C19orf18: variants seen among roughly 807,000 people sequenced by gnomAD.
The protein encoded by C19orf18 is uncharacterized protein C19orf18.
A neutral mutation model predicts 23.3 loss-of-function variants in C19orf18; 21 were observed. The ratio of observed to expected loss-of-function variants is 0.90; its 90% CI spans 0.64 to 1.30. C19orf18 has a LOEUF of 1.30. Among genes scored for constraint, C19orf18 ranks in the 50% most tolerant of loss-of-function variants. The pLI, the probability that C19orf18 is intolerant of heterozygous loss-of-function variation, is 0.00. For missense variants in C19orf18, 249 were observed against 259.6 expected (o/e 0.96, Z 0.28); for synonymous variants, 96 against 95.2 (o/e 1.01, Z -0.05).
chr19:57,967,393 C>T (rs774924928), intron 3 of C19orf18, among the ~76,000 whole-genome samples: 2 of 152,128 alleles, frequency 1.3e-5, no homozygotes, highest in Admixed American at 1.3e-4. Context: ...AAGAGTGAAT[C>T]GTGATACTAC....
chr19:57,968,496 A>G (rs1281309475), intron 3 of C19orf18, among the ~76,000 whole-genome samples: 1 of 152,154 alleles, frequency 6.6e-6, no homozygotes, highest in Non-Finnish European at 1.5e-5. Flanking sequence ...TTGCTGGTAG[A>G]CAGGAGGGTG....
intron 4 of C19orf18, among the ~76,000 whole-genome samples, chr19:57,965,771 A>AAAAAT (rs1180584607): frequency 6.6e-6 from 1 of 152,066 alleles, no homozygotes; most frequent in Non-Finnish European, 1.5e-5. Context: ...AAAAAGTAGA[A>AAAAAT]AAAATAAAAT....
chr19:57,972,639 T>C (rs779105483), intron 2 of C19orf18, 135 bp from the exon 3 acceptor site: 9 of 923,712 alleles, frequency 9.7e-6, no homozygotes, highest in Non-Finnish European at 1.5e-5. Flanking sequence ...AGATGGGATG[T>C]GTTAATACAT....
At chr19:57,968,316 T>A (rs11673474) in intron 3 of C19orf18, among the ~76,000 whole-genome samples, 40,624 of 152,000 alleles carry the variant, frequency 0.27, 5,915 homozygotes, top group African/African-American at 0.39. Flanking sequence ...ATTTCAATAC[T>A]TGAATATGGG....
At chr19:57,973,432 T>C (rs2072960573) in intron 2 of C19orf18, among the ~76,000 whole-genome samples, 1 of 151,500 alleles carries the variant, frequency 6.6e-6, no homozygotes, top group Non-Finnish European at 1.5e-5. Flanking sequence ...AAAATGCTTA[T>C]AAAGAATTCT....
At chr19:57,966,272 C>T (rs566135581) in intron 4 of C19orf18, among the ~76,000 whole-genome samples, 10 of 152,206 alleles carry the variant, frequency 6.6e-5, no homozygotes, top group South Asian at 2.1e-4. Flanking sequence ...CCACCATGCC[C>T]GGCGTAATAT....
Position 57,974,394 on chromosome 19 carries a change from C to CA in C19orf18, c.38dup (p.Leu13PhefsTer31), listed in dbSNP as rs745514293. 1 of 1,613,410 alleles carries CA rather than the reference C, an allele frequency of 6.2e-7. No individual in the cohort carries two copies. The highest frequency in any genetic ancestry group is 2.2e-5 in the East Asian group (1 of 44,824). On this transcript the variant is annotated frameshift_variant, in exon 1 of 6. Coordinates refer to ENST00000314391, the MANE Select transcript of C19orf18 (RefSeq NM_152474.5). LOFTEE classifies it high-confidence loss of function. Reference sequence around the variant, plus strand: ...AATGAAGTTGGCATTCCATTAAAAACAAAAACAAAATGAGGAAACCACTCT... The same window carrying CA: ...AATGAAGTTGGCATTCCATTAAAAACAAAAAACAAAATGAGGAAACCACTCT...
At chr19:57,973,469 T>C (rs922167134) in intron 2 of C19orf18, among the ~76,000 whole-genome samples, 4 of 152,084 alleles carry the variant, frequency 2.6e-5, no homozygotes, top group African/African-American at 9.7e-5. Flanking sequence ...CTCATGCCTG[T>C]AATCCCAGCA....
In C19orf18 at chr19:57,973,792, T is replaced by G. The variant is rs910852148; in HGVS notation, c.226+307A>C. 2.0e-5 allele frequency among the ~76,000 whole-genome samples: 3 copies of G among 151,730 alleles called. No homozygotes were observed. In the South Asian group the frequency reaches 6.2e-4, roughly 32 times the overall value. On this transcript the variant is annotated intron_variant, in intron 2 of 5. Coordinates refer to ENST00000314391, the MANE Select transcript of C19orf18 (RefSeq NM_152474.5). ...ACCTTCTGTGTCTAGACTTGCATGC[T>G]CTACTGCCAAATGTGCACCAAATTC...
At chr19:57,961,275 A>G (rs1004359206) in intron 5 of C19orf18, 116 bp downstream of exon 5, 6 of 1,107,398 alleles carry the variant, frequency 5.4e-6, no homozygotes, top group East Asian at 2.5e-5. Context: ...AGAAAGAAAG[A>G]AAGGAAAGAA....
At chr19:57,973,219 C>A (rs2072959015) in intron 2 of C19orf18, among the ~76,000 whole-genome samples, 1 of 133,430 alleles carries the variant, frequency 7.5e-6, no homozygotes, top group Non-Finnish European at 1.5e-5. Context: ...GCCAGGGAAC[C>A]AACAATAGTG....
chr19:57,968,657 A>T (rs182918730), intron 3 of C19orf18, among the ~76,000 whole-genome samples: 13 of 152,218 alleles, frequency 8.5e-5, no homozygotes, highest in African/African-American at 3.1e-4. Context: ...GGAGAAATAG[A>T]CTAGGAAAAT....
rs1473433682 is a variant in C19orf18, at chr19:57,966,462, T to TA, written c.371+67dup. 4.9e-5 allele frequency: 48 copies of TA among 986,378 alleles called. No individual in the cohort carries two copies. In the African/African-American group the frequency reaches 6.8e-4, roughly 14 times the overall value. 61.1% of individuals were successfully genotyped at this position (986,378 alleles called of 1,614,324 possible). A position where few individuals can be genotyped will look rare whatever the true frequency, so the allele number is the denominator to read the frequency against. ...ATGTATCATCATCATCCTTTGACAT[T>TA]AAATAATAATCAGTTGACTTGTTAT... On this transcript the variant is annotated intron_variant, in intron 4 of 5. Coordinates refer to ENST00000314391, the MANE Select transcript of C19orf18 (RefSeq NM_152474.5).
chr19:57,966,450 A>C (rs773619189), intron 4 of C19orf18, 80 bp downstream of exon 4: 15 of 899,090 alleles, frequency 1.7e-5, no homozygotes, highest in Non-Finnish European at 2.6e-5. Context: ...TATCATCATC[A>C]TCCTTTGACA....
At chr19:57,960,306 G>C (rs2123215989) in intron 5 of C19orf18, among the ~76,000 whole-genome samples, 1 of 139,408 alleles carries the variant, frequency 7.2e-6, no homozygotes, top group South Asian at 2.3e-4. Context: ...GGTGCCTATA[G>C]TCCCAGCTAC....
intron 3 of C19orf18, among the ~76,000 whole-genome samples, chr19:57,966,921 C>T (rs778691241): frequency 6.6e-6 from 1 of 152,088 alleles, no homozygotes; most frequent in Non-Finnish European, 1.5e-5. Flanking sequence ...CAGGCATGCG[C>T]CACCACACCT....
chr19:57,961,131 A>C (rs1023985713), intron 5 of C19orf18, among the ~76,000 whole-genome samples: 3 of 152,100 alleles, frequency 2.0e-5, no homozygotes, highest in African/African-American at 7.2e-5. Flanking sequence ...GCTACTCGGG[A>C]GGCTGAGGCA....
At chr19:57,964,878 T>C (rs2072897835) in intron 4 of C19orf18, among the ~76,000 whole-genome samples, 1 of 152,142 alleles carries the variant, frequency 6.6e-6, no homozygotes, top group Non-Finnish European at 1.5e-5. Context: ...ATCTGTTGGT[T>C]TGGTCAGAAC....
At chr19:57,960,544 AC>A (rs1159802370) in intron 5 of C19orf18, among the ~76,000 whole-genome samples, 1 of 152,016 alleles carries the variant, frequency 6.6e-6, no homozygotes, top group Non-Finnish European at 1.5e-5. Context: ...GGGAAATTTT[AC>A]CCTGGGGTAG....
Sources: gnomAD v4.1 joint callset for allele counts (sites outside exome capture counted in the v4.1 genomes callset) on GRCh38, gnomAD v4.1.1 for gene constraint, MANE v1.5 for transcripts, NCBI Gene and HGNC (gene_info 2026-07-23, HGNC 2026-07-21) for gene names.